NR6A1: variants seen among roughly 807,000 people sequenced by gnomAD.
NR6A1 encodes nuclear receptor subfamily 6 group A member 1, also known as retinoic acid receptor-related testis-associated receptor.
NR6A1 carries 7 observed loss-of-function variants against 59.1 expected under a neutral mutation model. That is an observed-to-expected ratio of 0.12 (90% CI 0.07 to 0.22). The LOEUF is 0.22. Ranked by LOEUF, NR6A1 falls within the 10% of genes least tolerant of loss-of-function variation. The pLI is 1.00. For missense variants in NR6A1, 468 were observed against 611.6 expected, an observed-to-expected ratio of 0.77 and a Z score of 2.48; for synonymous variants, 243 against 236.1, an observed-to-expected ratio of 1.03 and a Z score of -0.27.
chr9:124,685,482 C>T (rs567610181), intron 2 of NR6A1, among the ~76,000 whole-genome samples: 1 of 152,306 alleles, frequency 6.6e-6, no homozygotes, highest in East Asian at 1.9e-4. Flanking sequence ...GCAGACATCA[C>T]AATGCCGGGC....
intron 2 of NR6A1, among the ~76,000 whole-genome samples, chr9:124,569,956 G>C (rs530907133): frequency 2.8e-4 from 43 of 152,230 alleles, no homozygotes; most frequent in African/African-American, 1.0e-3. Context: ...TATTCTTACT[G>C]ATCACTAGTG....
At chr9:124,664,718 C>T (rs190921064) in intron 2 of NR6A1, among the ~76,000 whole-genome samples, 1 of 152,268 alleles carries the variant, frequency 6.6e-6, no homozygotes, top group East Asian at 1.9e-4. Context: ...GAATGCTAAT[C>T]AAGCAGAACC....
chr9:124,559,837 C>A (rs1834031592), intron 2 of NR6A1, among the ~76,000 whole-genome samples: 1 of 152,118 alleles, frequency 6.6e-6, no homozygotes, highest in Non-Finnish European at 1.5e-5. Context: ...CTTCTCATTT[C>A]TTAGTCTTAA....
At chr9:124,667,015 C>T (rs909511342) in intron 2 of NR6A1, among the ~76,000 whole-genome samples, 1 of 151,652 alleles carries the variant, frequency 6.6e-6, no homozygotes, top group Non-Finnish European at 1.5e-5. Flanking sequence ...TTACAAATTG[C>T]GAATATTACT....
intron 6 of NR6A1, 37 bp from the exon 7 acceptor site, chr9:124,536,169 G>C (rs979306095): frequency 5.6e-6 from 9 of 1,596,130 alleles, no homozygotes; most frequent in Non-Finnish European, 8.5e-7. Flanking sequence ...ACTTCCATTG[G>C]TCAGAGGGTG....
At chr9:124,646,318 A>G (rs972869229) in intron 2 of NR6A1, among the ~76,000 whole-genome samples, 2 of 152,160 alleles carry the variant, frequency 1.3e-5, no homozygotes, top group African/African-American at 4.8e-5. Flanking sequence ...AAATCAACAA[A>G]AGCTGGTTCT....
At position 124,522,702 on chromosome 9, in the gene NR6A1, A is replaced by G; in HGVS notation, c.*3T>C. The G allele has an allele frequency of 7.0e-6, 11 of 1,570,458 alleles. No individual in the cohort carries two copies. Among genetic ancestry groups the G allele is most frequent in the Non-Finnish European group, 9.5e-6 (11 of 1,158,218 alleles). ...TTGGCCTGAGGAGGGCGCCTGGAAC[A>G]GGTCATTCCTTGCCCACACTGGTCT... is the stretch of plus-strand genomic sequence containing the variant. On this transcript the variant is annotated 3_prime_UTR_variant, in exon 10 of 10. Coordinates refer to ENST00000487099, the MANE Select transcript of NR6A1 (RefSeq NM_033334.4).
intron 1 of NR6A1, among the ~76,000 whole-genome samples, chr9:124,739,479 G>C (rs2131143673): frequency 6.6e-6 from 1 of 152,294 alleles, no homozygotes; most frequent in African/African-American, 2.4e-5. Context: ...TTTTAAACAA[G>C]GTCTTGCTTC....
intron 2 of NR6A1, among the ~76,000 whole-genome samples, chr9:124,608,935 A>C (rs556236387): frequency 6.6e-6 from 1 of 152,210 alleles, no homozygotes; most frequent in East Asian, 1.9e-4. Flanking sequence ...GGCTACATAA[A>C]TGTCTTATTT....
At chr9:124,672,602 G>A (rs952426926) in intron 2 of NR6A1, among the ~76,000 whole-genome samples, 1 of 151,316 alleles carries the variant, frequency 6.6e-6, no homozygotes, top group Non-Finnish European at 1.5e-5. Flanking sequence ...GCGACAGAGC[G>A]AGACTCCGTT....
chr9:124,764,841 T>C (rs1272045364), intron 1 of NR6A1, among the ~76,000 whole-genome samples: 2 of 152,218 alleles, frequency 1.3e-5, no homozygotes, highest in African/African-American at 4.8e-5. Flanking sequence ...TCAAATCAAA[T>C]GCCTGGATTT....
intron 2 of NR6A1, among the ~76,000 whole-genome samples, chr9:124,704,846 C>G (rs1164680248): frequency 6.6e-6 from 1 of 152,172 alleles, no homozygotes; most frequent in Non-Finnish European, 1.5e-5. Context: ...CCAGGAGATA[C>G]ACCCACCCCA....
chr9:124,519,904 A>G lies in NR6A1; in HGVS notation c.*2801T>C, dbSNP rs1214627342. The G allele has an allele frequency of 2.1e-5, 3 of 144,710 alleles. No individual in the cohort carries two copies. Among genetic ancestry groups the G allele is most frequent in the Admixed American group, 6.8e-5 (1 of 14,670 alleles). 9.0% of individuals were successfully genotyped at this position (144,710 alleles called of 1,614,324 possible). On this transcript the variant is annotated 3_prime_UTR_variant, in exon 10 of 10. Coordinates refer to ENST00000487099, the MANE Select transcript of NR6A1 (RefSeq NM_033334.4). ...GCGACAGAGCGAGACTCCGCCTCAA[A>G]AAAAAAAAAAAAAAAAAAAAAAAAA...
At chr9:124,719,049 A>T (rs1455295379) in intron 2 of NR6A1, among the ~76,000 whole-genome samples, 1 of 151,844 alleles carries the variant, frequency 6.6e-6, no homozygotes, top group Non-Finnish European at 1.5e-5. Flanking sequence ...ATAACTGTCA[A>T]GTATTTAGGA....
At position 124,550,566 on chromosome 9, in the gene NR6A1, A is replaced by G. The variant is rs113748919; in HGVS notation, c.385+3762T>C. Reference sequence around the variant, plus strand: ...ATAGACGGGGTTTCAGCATGATACCAAGGCTGGTCTTGAACTCCTGAGCTT... The same window carrying G: ...ATAGACGGGGTTTCAGCATGATACCGAGGCTGGTCTTGAACTCCTGAGCTT... On this transcript the variant is annotated intron_variant, in intron 3 of 9. Transcript: ENST00000487099. Among the ~76,000 whole-genome samples the G allele has an allele frequency of 4.7e-3, 707 of 151,702 alleles. 6 individuals are homozygous for G. The highest frequency in any genetic ancestry group is 0.016 in the African/African-American group (661 of 41,384).
intron 2 of NR6A1, among the ~76,000 whole-genome samples, chr9:124,641,619 C>A (rs1403827723): frequency 6.6e-6 from 1 of 152,108 alleles, no homozygotes; most frequent in African/African-American, 2.4e-5. Context: ...ATTGCTTCAG[C>A]CCTGGAGTTC....
intron 2 of NR6A1, among the ~76,000 whole-genome samples, chr9:124,666,628 T>G (rs1837629850): frequency 6.6e-6 from 1 of 152,216 alleles, no homozygotes. Context: ...CATTTCTCTG[T>G]ATAATCCTCT....
chr9:124,608,063 AAAAT>A (rs1288201382), intron 2 of NR6A1, among the ~76,000 whole-genome samples: 1 of 152,180 alleles, frequency 6.6e-6, no homozygotes, highest in Non-Finnish European at 1.5e-5. Flanking sequence ...CAGTCTCAAA[AAAAT>A]AAATAAAAAA....
intron 2 of NR6A1, among the ~76,000 whole-genome samples, chr9:124,667,727 T>C (rs1180233802): frequency 1.3e-5 from 2 of 152,326 alleles, no homozygotes; most frequent in East Asian, 3.9e-4. Context: ...AAAAGCCTCA[T>C]AAAAATGTTC....
Sources: allele counts gnomAD v4.1 joint callset (sites outside exome capture counted in the v4.1 genomes callset), GRCh38; gene constraint gnomAD v4.1.1; transcripts MANE v1.5; gene names NCBI Gene and HGNC (gene_info 2026-07-23, HGNC 2026-07-21).